Variants in TMEM260 observed in about 807,000 individuals in gnomAD.
TMEM260 encodes the protein protein O-mannosyl-transferase TMEM260.
Under a neutral mutation model 88.9 loss-of-function variants are expected in TMEM260, and 82 were observed. The observed-to-expected ratio is 0.92, with a 90% CI of 0.77 to 1.11. TMEM260 has a LOEUF of 1.11. Among genes scored for constraint, TMEM260 ranks in the 50% least tolerant of loss-of-function variants. TMEM260 has a pLI of 0.00. For synonymous variants in TMEM260, 314 were observed against 309.3 expected (o/e 1.02, Z -0.16); for missense variants, 902 against 853.4 (o/e 1.06, Z -0.71).
chr14:56,580,124 A>G, intron 1 of TMEM260, 50 bp downstream of exon 1: 1 of 1,241,792 alleles, frequency 8.1e-7, no homozygotes, highest in Non-Finnish European at 1.0e-6. Context: ...CTGGTCCCAG[A>G]ACGGGCAGGG....
At chr14:56,655,386 C>CAAA (rs113654913), downstream of TMEM260, among the ~76,000 whole-genome samples, 1 of 94,522 alleles carries the variant, frequency 1.1e-5, no homozygotes, top group Admixed American at 1.2e-4. Flanking sequence ...GACTCCATCT[C>CAAA]AAAAAAAAAA....
intron 3 of TMEM260, among the ~76,000 whole-genome samples, chr14:56,600,111 A>T (rs1214304148): frequency 2.6e-5 from 4 of 152,198 alleles, no homozygotes; most frequent in Non-Finnish European, 2.9e-5. Flanking sequence ...AGTTTGACTT[A>T]TAAAAATCCT....
intron 11 of TMEM260, among the ~76,000 whole-genome samples, chr14:56,622,514 T>G (rs929601832): frequency 1.3e-5 from 2 of 152,092 alleles, no homozygotes; most frequent in Non-Finnish European, 2.9e-5. Context: ...ACCATAATTA[T>G]GCTATAGAAT....
intron 15 of TMEM260, among the ~76,000 whole-genome samples, chr14:56,638,616 G>A (rs1327206785): frequency 6.6e-6 from 1 of 152,040 alleles, no homozygotes; most frequent in Non-Finnish European, 1.5e-5. Flanking sequence ...GTCTCCAGAT[G>A]TGTGACAATG....
At chr14:56,636,340 G>T (rs1889069411) in intron 14 of TMEM260, among the ~76,000 whole-genome samples, 168 bp from the exon 15 acceptor site, 1 of 152,044 alleles carries the variant, frequency 6.6e-6, no homozygotes, top group Non-Finnish European at 1.5e-5. Flanking sequence ...TGGGTGGAGG[G>T]ATTGTTGTTG....
intron 1 of TMEM260, among the ~76,000 whole-genome samples, chr14:56,580,949 G>A (rs1885088838): frequency 1.3e-5 from 2 of 152,124 alleles, no homozygotes; most frequent in Non-Finnish European, 1.5e-5. Context: ...AACGTTTATC[G>A]TCTCCCGTTT....
intron 13 of TMEM260, chr14:56,633,597 A>ATAAC (rs1178622201): frequency 3.2e-5 from 5 of 154,438 alleles, no homozygotes; most frequent in African/African-American, 1.2e-4. Context: ...AGAATGGCAG[A>ATAAC]TAACTTCTCT....
rs189799214 is a variant in TMEM260 at position 56,584,971 on chromosome 14, A to G, written c.161-30A>G. On this transcript the variant is annotated intron_variant, in intron 1 of 15. Transcript: ENST00000261556. ...TGGAGGAGTGTCATTCTCTAATAGTAATTATTGGTTTTACATTATTTTTTC... is the reference window on the plus strand; with the variant it reads ...TGGAGGAGTGTCATTCTCTAATAGTGATTATTGGTTTTACATTATTTTTTC... 60 of 1,601,124 alleles carry G rather than the reference A, an allele frequency of 3.7e-5. No homozygotes were observed. The East Asian group carries it at 1.3e-3, about 35-fold the overall frequency.
chr14:56,659,261 GTTTTT>G, the TMEM260 span, among the ~76,000 whole-genome samples: 1 of 140,394 alleles, frequency 7.1e-6, no homozygotes, highest in African/African-American at 2.6e-5. Context: ...TTTGGTTTTT[GTTTTT>G]TTTTTTTTTT....
Position 56,593,986 on chromosome 14 carries a change from C to T in TMEM260, c.344+8074C>T, listed in dbSNP as rs1046119839. Among the ~76,000 whole-genome samples, 3 of 151,934 alleles carry T rather than the reference C, an allele frequency of 2.0e-5. No homozygotes were observed. In the East Asian group the frequency reaches 5.8e-4, roughly 29 times the overall value. On this transcript the variant is annotated intron_variant, in intron 3 of 15. Transcript: ENST00000261556. ...ACAGGCGTGAGCCACCGCGCCCGGC[C>T]GTGAGTGTCTTTTATAATACAAGGG...
intron 3 of TMEM260, among the ~76,000 whole-genome samples, chr14:56,596,794 A>AAAAAAT (rs59623466): frequency 2.9e-4 from 39 of 136,294 alleles, no homozygotes; most frequent in African/African-American, 1.0e-3. Context: ...TAAAAAAAAA[A>AAAAAAT]ATATATATAT....
intron 3 of TMEM260, among the ~76,000 whole-genome samples, chr14:56,596,365 CACAT>C (rs1886206220): frequency 7.5e-6 from 1 of 132,880 alleles, no homozygotes; most frequent in Non-Finnish European, 1.6e-5. Flanking sequence ...GGGACACACA[CACAT>C]ATATATGTGA....
chr14:56,650,188 TC>T (rs1890177126), downstream of TMEM260: 7 of 417,108 alleles, frequency 1.7e-5, no homozygotes, highest in South Asian at 1.2e-4. Context: ...TCTAGCAGTG[TC>T]CCGGGAGTGC....
At chr14:56,616,602 C>T (rs545920362) in intron 8 of TMEM260, among the ~76,000 whole-genome samples, 11 of 151,996 alleles carry the variant, frequency 7.2e-5, no homozygotes, top group African/African-American at 2.7e-4. Flanking sequence ...TTTAACTGTT[C>T]TTCTATTGAG....
At chr14:56,609,051 G>T in intron 5 of TMEM260, 55 bp from the exon 6 acceptor site, 3 of 1,554,114 alleles carry the variant, frequency 1.9e-6, no homozygotes, top group East Asian at 4.5e-5. Flanking sequence ...TTGAAGTTCC[G>T]AGATGAATCT....
intron 7 of TMEM260, among the ~76,000 whole-genome samples, chr14:56,614,586 A>C (rs1472216054): frequency 6.6e-6 from 1 of 152,170 alleles, no homozygotes; most frequent in East Asian, 1.9e-4. Context: ...GTAATCCTAG[A>C]CCATATGTCT....
intron 9 of TMEM260, among the ~76,000 whole-genome samples, chr14:56,617,642 A>G (rs1225207960): frequency 6.6e-6 from 1 of 152,202 alleles, no homozygotes. Flanking sequence ...ACTTAACAAC[A>G]TATTTCCTTA....
At chr14:56,656,469 T>C in the TMEM260 span, among the ~76,000 whole-genome samples, 48 of 152,268 alleles carry the variant, frequency 3.2e-4, no homozygotes, top group South Asian at 8.3e-4. Context: ...TTTCCTTTTC[T>C]GTAGAATGGA....
intron 9 of TMEM260, 39 bp from the exon 10 acceptor site, chr14:56,618,555 T>C: frequency 6.3e-7 from 1 of 1,597,284 alleles, no homozygotes; most frequent in Non-Finnish European, 8.5e-7. Context: ...TAGCATTAAA[T>C]AGTCAACTGG....
Sources: gnomAD v4.1 joint callset for allele counts (sites outside exome capture counted in the v4.1 genomes callset) on GRCh38, gnomAD v4.1.1 for gene constraint, MANE v1.5 for transcripts, NCBI Gene and HGNC (gene_info 2026-07-23, HGNC 2026-07-21) for gene names.